The following RGS9 variants were observed in gnomAD, a reference collection of about 807,000 sequenced individuals.
RGS9 encodes regulator of G-protein signalling 9.
Under a neutral mutation model 102.0 loss-of-function variants are expected in RGS9, and 78 were observed. The ratio of observed to expected loss-of-function variants is 0.76; its 90% confidence interval spans 0.64 to 0.92. The LOEUF is 0.92. Among genes scored for constraint, RGS9 ranks in the 40% least tolerant of loss-of-function variants. The probability of loss-of-function intolerance (pLI) is 0.00; values close to 1 mark genes in which losing one functional copy is unlikely to be tolerated. For missense variants in RGS9, 833 were observed against 866.1 expected, an observed-to-expected ratio of 0.96 and a Z score of 0.48; for synonymous variants, 353 against 318.6, an observed-to-expected ratio of 1.11 and a Z score of -1.15.
intron 3 of RGS9, chr17:65,158,691 G>A (rs1910867537): frequency 9.7e-6 from 4 of 411,842 alleles, no homozygotes; most frequent in South Asian, 8.7e-5. Flanking sequence ...GGGGACACTA[G>A]CAAGAGCAAT....
chr17:65,209,390 A>G (rs1913200443), intron 16 of RGS9, among the ~76,000 whole-genome samples: 1 of 152,292 alleles, frequency 6.6e-6, no homozygotes, highest in East Asian at 1.9e-4. Flanking sequence ...TAGATATAAG[A>G]GTTCAAGGGG....
Position 65,225,164 on chromosome 17 carries a change from T to G in RGS9, c.1570T>G (p.Ser524Ala). ...IRRPSTTICPSPIRVALESSS... is the reference protein window; with the variant it reads ...IRRPSTTICPAPIRVALESSS... ...GCGACCCAGCACCACCATCTGCCCC[T>G]CACCCATCAGAGTGGCCTTGGAGAG... The change falls in exon 18 of 19, where the codon TCA (serine) becomes GCA (alanine). Residue 524 changes from serine to alanine, a missense_variant. By Grantham distance (99) the Ser-to-Ala change is moderately conservative. Transcript: ENST00000262406. 1 of 1,613,528 alleles carries G rather than the reference T, an allele frequency of 6.2e-7. No homozygotes were observed. Among genetic ancestry groups the G allele is most frequent in the African/African-American group, 1.3e-5 (1 of 75,002 alleles).
At chr17:65,190,065 G>A in intron 10 of RGS9, 110 bp from the exon 11 acceptor site, 1 of 880,870 alleles carries the variant, frequency 1.1e-6, no homozygotes. Flanking sequence ...CTCTGGGCAT[G>A]GAACGGGATG....
chr17:65,203,769 AC>A (rs1266751893), intron 14 of RGS9, among the ~76,000 whole-genome samples: 1 of 151,914 alleles, frequency 6.6e-6, no homozygotes, highest in Non-Finnish European at 1.5e-5. Context: ...GAGAGCAGAG[AC>A]CCCCAGAACA....
intron 17 of RGS9, among the ~76,000 whole-genome samples, chr17:65,223,760 T>G (rs966459616): frequency 1.3e-5 from 2 of 151,714 alleles, no homozygotes; most frequent in African/African-American, 2.4e-5. Context: ...GGCTTTTTTT[T>G]TTTTTTTTAA....
chr17:65,154,732 G>A (rs183235318), intron 2 of RGS9, among the ~76,000 whole-genome samples: 2 of 152,276 alleles, frequency 1.3e-5, no homozygotes, highest in African/African-American at 4.8e-5. Context: ...TTTGGTTAAT[G>A]TGTTACCTGT....
intron 11 of RGS9, among the ~76,000 whole-genome samples, chr17:65,190,659 T>TA (rs1162918658): frequency 6.6e-6 from 1 of 152,242 alleles, no homozygotes; most frequent in African/African-American, 2.4e-5. Context: ...ATCTTTGATT[T>TA]AAAATCCCAT....
At chr17:65,219,934 T>C (rs1384277166) in intron 17 of RGS9, among the ~76,000 whole-genome samples, 1 of 151,746 alleles carries the variant, frequency 6.6e-6, no homozygotes, top group East Asian at 1.9e-4. Context: ...TCATTATTAT[T>C]ATCATCACCG....
chr17:65,146,338 C>G (rs1203907630), intron 1 of RGS9, among the ~76,000 whole-genome samples: 1 of 152,134 alleles, frequency 6.6e-6, no homozygotes, highest in Admixed American at 6.5e-5. Flanking sequence ...GCCTGTAATC[C>G]CAGCACTTTG....
At chr17:65,220,024 A>G (rs1275767460) in intron 17 of RGS9, among the ~76,000 whole-genome samples, 5 of 151,702 alleles carry the variant, frequency 3.3e-5, no homozygotes, top group Admixed American at 6.6e-5. Context: ...CATCACCACC[A>G]CTACCATCAT....
At chr17:65,196,109 T>C (rs1912573864) in intron 12 of RGS9, among the ~76,000 whole-genome samples, 1 of 152,242 alleles carries the variant, frequency 6.6e-6, no homozygotes, top group African/African-American at 2.4e-5. Flanking sequence ...GAGCCTCAGT[T>C]TTCTTGACAA....
In RGS9 at chr17:65,142,934, T is replaced by C. The variant is rs578215889; in HGVS notation, c.57+5337T>C. 1.6e-3 allele frequency among the ~76,000 whole-genome samples: 251 copies of C among 152,122 alleles called. 1 individual carries two copies. Among genetic ancestry groups the C allele is most frequent in the Middle Eastern group, 6.8e-3 (2 of 292 alleles). The stretch of plus-strand genomic sequence containing the variant: ...TTTTTTTTCTTTTTTAACAATTTCT[T>C]TTTTTAGAGATGGGTTTTCACTATA... On this transcript the variant is annotated intron_variant, in intron 1 of 18. Coordinates refer to ENST00000262406, the MANE Select transcript of RGS9 (RefSeq NM_003835.4).
intron 1 of RGS9, among the ~76,000 whole-genome samples, chr17:65,141,833 T>C (rs1910168349): frequency 2.0e-5 from 3 of 152,204 alleles, no homozygotes; most frequent in African/African-American, 7.2e-5. Flanking sequence ...TGAGTGACAT[T>C]TTAGGCAATA....
At chr17:65,220,028 C>T (rs780052232) in intron 17 of RGS9, among the ~76,000 whole-genome samples, 2 of 151,374 alleles carry the variant, frequency 1.3e-5, no homozygotes, top group Non-Finnish European at 2.9e-5. Context: ...ACCACCACTA[C>T]CATCATCACC....
At chr17:65,163,664 A>T (rs1423992384) in intron 7 of RGS9, among the ~76,000 whole-genome samples, 1 of 152,170 alleles carries the variant, frequency 6.6e-6, no homozygotes, top group Non-Finnish European at 1.5e-5. Flanking sequence ...GAATCGTAGA[A>T]ATGGCATTGA....
rs3838367 is a variant in RGS9 at position 65,202,444 on chromosome 17, T to TGTGTGTGTGA, written c.1064+365_1064+366insTGTGTGTGAG. 4.1e-3 allele frequency among the ~76,000 whole-genome samples: 544 copies of TGTGTGTGTGA among 131,772 alleles called. 6 individuals are homozygous for TGTGTGTGTGA. Among genetic ancestry groups the TGTGTGTGTGA allele is most frequent in the African/African-American group, 0.015 (492 of 32,532 alleles). The allele number at this position is 131,772 out of a possible 152,430, so 86.4% of individuals were successfully genotyped here. A position where few individuals can be genotyped will look rare whatever the true frequency, so the allele number is the denominator to read the frequency against. ...GTGTGTGTGTGTGTGTGTGTGTGTG[T>TGTGTGTGTGA]GAGAGAGAGAGAGAGAGAGAGAGTG... is the stretch of plus-strand genomic sequence containing the variant. On this transcript the variant is annotated intron_variant, in intron 14 of 18. Transcript: ENST00000262406.
chr17:65,198,259 CTT>C (rs56726922), intron 13 of RGS9, among the ~76,000 whole-genome samples: 28,601 of 145,302 alleles, frequency 0.2, 4,454 homozygotes, highest in African/African-American at 0.4. Context: ...GGAACTGTGA[CTT>C]TTTTTTTTTT....
chr17:65,158,255 G>A, intron 2 of RGS9, 40 bp from the exon 3 acceptor site: 1 of 1,594,404 alleles, frequency 6.3e-7, no homozygotes, highest in Non-Finnish European at 8.6e-7. Context: ...GATGTGTCAG[G>A]AGGCTATGAC....
At chr17:65,197,754 C>A (rs1300945092) in intron 13 of RGS9, among the ~76,000 whole-genome samples, 3 of 151,504 alleles carry the variant, frequency 2.0e-5, no homozygotes. Flanking sequence ...ACTGCAACCT[C>A]CGCCTCCCTA....
Sources: gnomAD v4.1 joint callset for allele counts (sites outside exome capture counted in the v4.1 genomes callset) on GRCh38, gnomAD v4.1.1 for gene constraint, MANE v1.5 for transcripts, NCBI Gene and HGNC (gene_info 2026-07-23, HGNC 2026-07-21) for gene names.